The following ELF5 variants were observed in gnomAD, a reference collection of about 807,000 sequenced individuals.
ELF5 encodes E74 like ETS transcription factor 5.
Under a neutral mutation model 38.2 loss-of-function variants are expected in ELF5, and 31 were observed. That is an observed-to-expected ratio of 0.81 (90% CI 0.61 to 1.10). The LOEUF (loss-of-function observed/expected upper bound fraction) is 1.10, where lower values mean the gene tolerates loss of function less well. Among genes scored for constraint, ELF5 ranks in the 50% least tolerant of loss-of-function variants. The probability of loss-of-function intolerance (pLI) is 0.00; values close to 1 mark genes in which losing one functional copy is unlikely to be tolerated. For synonymous variants in ELF5, 121 were observed against 112.5 expected, an observed-to-expected ratio of 1.08 and a Z score of -0.48; for missense variants, 300 against 306.6, an observed-to-expected ratio of 0.98 and a Z score of 0.16.
chr11:34,504,106 T>C (rs1850545170), intron 2 of ELF5, among the ~76,000 whole-genome samples: 1 of 152,144 alleles, frequency 6.6e-6, no homozygotes, highest in Non-Finnish European at 1.5e-5. Context: ...ATGGCAGGTC[T>C]GGGTTAAGTG....
At chr11:34,489,857 C>T in intron 4 of ELF5, 152 bp downstream of exon 4, 2 of 922,888 alleles carry the variant, frequency 2.2e-6, no homozygotes, top group South Asian at 1.4e-5. Flanking sequence ...TTCTGTCACA[C>T]TCTTTCCACC....
At chr11:34,484,487 A>ACTATC (rs1857030038) in intron 4 of ELF5, among the ~76,000 whole-genome samples, 1 of 68,854 alleles carries the variant, frequency 1.5e-5, no homozygotes, top group African/African-American at 6.3e-5. Context: ...TACTAACTAT[A>ACTATC]CTATACTATA....
intron 1 of ELF5, among the ~76,000 whole-genome samples, chr11:34,511,311 GT>G (rs1850748909): frequency 6.6e-6 from 1 of 152,156 alleles, no homozygotes. Flanking sequence ...CCAGTTGGAG[GT>G]AGATACCTCA....
intron 5 of ELF5, 46 bp downstream of exon 5, chr11:34,482,385 G>A: frequency 6.4e-7 from 1 of 1,552,406 alleles, no homozygotes; most frequent in Non-Finnish European, 8.9e-7. Context: ...TTTGTCTGAG[G>A]AATGGTTTTA....
chr11:34,480,310 A>G lies in ELF5; in HGVS notation c.676T>C (p.Tyr226His), dbSNP rs1390630267. 4 of 1,613,506 alleles carry G rather than the reference A, an allele frequency of 2.5e-6. No individual in the cohort carries two copies. Among genetic ancestry groups the G allele is most frequent in the South Asian group, 1.1e-5 (1 of 91,050 alleles). The change falls in exon 7 of 7, where the codon TAC becomes CAC. Residue 226 changes from tyrosine (Y) to histidine (H), a missense_variant. By Grantham distance (83) the Tyr-to-His change is moderately conservative (BLOSUM62 2). Coordinates refer to ENST00000257832, the MANE Select transcript of ELF5 (RefSeq NM_001422.4). Reference sequence around the variant, plus strand: ...CGCTCCAAAATTCCTGTTTTATAGTAGTATCTGAAAAAGCAAGCAGAAGAG... The same window carrying G: ...CGCTCCAAAATTCCTGTTTTATAGTGGTATCTGAAAAAGCAAGCAGAAGAG... ...YEKLSRALRY[Y>H]YKTGILERVD...
chr11:34,485,519 AGTG>A (rs1849966925), intron 4 of ELF5, among the ~76,000 whole-genome samples: 1 of 152,258 alleles, frequency 6.6e-6, no homozygotes, highest in Non-Finnish European at 1.5e-5. Flanking sequence ...AATGGCAAGA[AGTG>A]GGAGGAAAAA....
rs776543091 is a variant in ELF5, at chr11:34,482,512, A to T, written c.407-13T>A. 6.2e-7 allele frequency: 1 copy of T among 1,608,390 alleles called. No individual in the cohort carries two copies. Among genetic ancestry groups the T allele is most frequent in the African/African-American group, 1.3e-5 (1 of 74,680 alleles). ...TTGGAATCAGCATCTGAAATAGAAT[A>T]ATTTATAGCAGTGGAAAGGGATATA... On this transcript the variant is annotated splice_polypyrimidine_tract_variant and intron_variant, in intron 4 of 6. Transcript: ENST00000257832.
intron 2 of ELF5, among the ~76,000 whole-genome samples, chr11:34,502,170 G>A (rs549904517): frequency 4.6e-5 from 7 of 152,336 alleles, no homozygotes; most frequent in African/African-American, 1.7e-4. Flanking sequence ...AACTCCAGGA[G>A]GCAGAGGAAA....
chr11:34,485,319 T>C (rs1433512754), intron 4 of ELF5, among the ~76,000 whole-genome samples: 1 of 152,234 alleles, frequency 6.6e-6, no homozygotes, highest in Non-Finnish European at 1.5e-5. Flanking sequence ...TTAGCTAAGA[T>C]TTGTTGAGCA....
chr11:34,505,233 C>T (rs1438369486), intron 2 of ELF5, among the ~76,000 whole-genome samples: 3 of 152,106 alleles, frequency 2.0e-5, no homozygotes, highest in South Asian at 2.1e-4. Context: ...GTACACAGCT[C>T]GTGTTCAGTA....
intron 1 of ELF5, among the ~76,000 whole-genome samples, chr11:34,511,008 T>A (rs543110132): frequency 6.6e-6 from 1 of 152,132 alleles, no homozygotes; most frequent in African/African-American, 2.4e-5. Flanking sequence ...CTCTTGCCCC[T>A]CTCCAAATCT....
Position 34,482,459 on chromosome 11 carries a change from AC to A in ELF5, c.446del (p.Ser149IlefsTer66). On this transcript the variant is annotated frameshift_variant, in exon 5 of 7. Coordinates refer to ENST00000257832, the MANE Select transcript of ELF5 (RefSeq NM_001422.4). LOFTEE classifies it high-confidence loss of function. ...SNCLKTSGIK[S>X]QDCHSHSRTS... is the part of the protein sequence containing the mutation. ...TTCTACTATGACTGTGACAGTCTTGACTTTTGATGCCACTTGTTTTCAAGCA... is the reference window on the plus strand; with the variant it reads ...TTCTACTATGACTGTGACAGTCTTGATTTTGATGCCACTTGTTTTCAAGCA... The A allele has an allele frequency of 6.2e-7, 1 of 1,612,776 alleles. No homozygotes were observed. The highest frequency in any genetic ancestry group is 8.5e-7 in the Non-Finnish European group (1 of 1,179,752).
chr11:34,480,283 C>T lies in ELF5; in HGVS notation c.703G>A (p.Val235Ile), dbSNP rs1249048891. 5 of 1,613,890 alleles carry T rather than the reference C, an allele frequency of 3.1e-6. No individual in the cohort carries two copies. In the African/African-American group the frequency reaches 5.3e-5, roughly 17 times the overall value. The change falls in exon 7 of 7, where the codon GTT becomes ATT. Residue 235 changes from valine to isoleucine, a missense_variant. By Grantham distance (29) the Val-to-Ile change is conservative. Coordinates refer to ENST00000257832, the MANE Select transcript of ELF5 (RefSeq NM_001422.4). ...AATTTGTACACTAACCTTCGGTCAA[C>T]CCGCTCCAAAATTCCTGTTTTATAG... ...YYYKTGILER[V>I]DRRLVYKFGK...
intron 2 of ELF5, among the ~76,000 whole-genome samples, chr11:34,497,725 T>C (rs1046722037): frequency 6.6e-6 from 1 of 152,128 alleles, no homozygotes; most frequent in African/African-American, 2.4e-5. Flanking sequence ...CAGGACCAGA[T>C]TGCTAACTGA....
chr11:34,498,831 C>T (rs1850380569), intron 2 of ELF5, among the ~76,000 whole-genome samples: 1 of 152,178 alleles, frequency 6.6e-6, no homozygotes, highest in African/African-American at 2.4e-5. Flanking sequence ...GTGGCTCACA[C>T]CTGTAATCCC....
rs1850241740 is a variant in ELF5 at position 34,493,714 on chromosome 11, T to C, written c.122-2A>G. On this transcript the variant is annotated splice_acceptor_variant, in intron 2 of 6. Transcript: ENST00000257832. LOFTEE classifies it high-confidence loss of function. The stretch of plus-strand genomic sequence containing the variant: ...CTGATGTCCAGTATGAGTCACAGGC[T>C]GCACCAAAGGAGAAAGAAGTGAGGG... 1.2e-6 allele frequency: 2 copies of C among 1,612,738 alleles called. No individual in the cohort carries two copies. Among genetic ancestry groups the C allele is most frequent in the Non-Finnish European group, 1.7e-6 (2 of 1,178,856 alleles).
rs773898237 is a variant in ELF5, at chr11:34,480,985, A to G, written c.476-18T>C. ...TTGGAGGCCTTTTGAAAAGGGGAAA[A>G]CATTAACTATTTACCATTGTTTTTT... On this transcript the variant is annotated intron_variant, in intron 5 of 6. Coordinates refer to ENST00000257832, the MANE Select transcript of ELF5 (RefSeq NM_001422.4). 1.2e-5 allele frequency: 18 copies of G among 1,549,988 alleles called. No homozygotes were observed. In the South Asian group the frequency reaches 1.2e-4, roughly 11 times the overall value.
At chr11:34,487,685 C>T (rs1295028146) in intron 4 of ELF5, among the ~76,000 whole-genome samples, 1 of 152,106 alleles carries the variant, frequency 6.6e-6, no homozygotes, top group Non-Finnish European at 1.5e-5. Context: ...TCTGCTGATG[C>T]TGCTGAGACT....
chr11:34,483,640 A>G (rs1248835945), intron 4 of ELF5, among the ~76,000 whole-genome samples: 2 of 152,022 alleles, frequency 1.3e-5, no homozygotes, highest in Non-Finnish European at 1.5e-5. Context: ...TGTGCTGTAC[A>G]TACTATGCTG....
Sources: allele counts gnomAD v4.1 joint callset (sites outside exome capture counted in the v4.1 genomes callset), GRCh38; gene constraint gnomAD v4.1.1; transcripts MANE v1.5; gene names NCBI Gene and HGNC (gene_info 2026-07-23, HGNC 2026-07-21).